The following TADA2A variants were observed in gnomAD, a reference collection of about 807,000 sequenced individuals.
TADA2A encodes transcriptional adapter 2-alpha.
In TADA2A, 38 loss-of-function variants were observed where a neutral mutation model predicts 67.4. That is an observed-to-expected ratio of 0.56 (90% CI 0.44 to 0.74). The LOEUF (loss-of-function observed/expected upper bound fraction) is 0.74, where lower values mean the gene tolerates loss of function less well. Among genes scored for constraint, TADA2A ranks in the 30% least tolerant of loss-of-function variants. The pLI is 0.00. For synonymous variants in TADA2A, 192 were observed against 181.6 expected, an observed-to-expected ratio of 1.06 and a Z score of -0.46; for missense variants, 454 against 547.0, an observed-to-expected ratio of 0.83 and a Z score of 1.70.
chr17:37,411,354 G>A lies in TADA2A; in HGVS notation c.-12G>A. ...GAGGAAGACCAAAGCAGCACTCGTT[G>A]CCAATTAGGGAATGGACCGTTTGGG... is the stretch of plus-strand genomic sequence containing the variant. On this transcript the variant is annotated 5_prime_UTR_variant, in exon 2 of 16. Transcript: ENST00000615182. 1 of 1,613,926 alleles carries A rather than the reference G, an allele frequency of 6.2e-7. No individual in the cohort carries two copies. The highest frequency in any genetic ancestry group is 2.2e-5 in the East Asian group (1 of 44,884).
At chr17:37,447,002 C>T (rs1447183506) in intron 8 of TADA2A, among the ~76,000 whole-genome samples, 1 of 152,162 alleles carries the variant, frequency 6.6e-6, no homozygotes, top group African/African-American at 2.4e-5. Context: ...TTTGTACTCT[C>T]CCTGAAGTTT....
chr17:37,478,623 T>C lies in TADA2A; in HGVS notation c.*1641T>C, dbSNP rs949398424. The C allele has an allele frequency of 1.3e-5, 2 of 152,188 alleles. No individual in the cohort carries two copies. Among genetic ancestry groups the C allele is most frequent in the Non-Finnish European group, 2.9e-5 (2 of 68,030 alleles). 9.4% of individuals were successfully genotyped at this position (152,188 alleles called of 1,614,324 possible). On this transcript the variant is annotated 3_prime_UTR_variant, in exon 16 of 16. Transcript: ENST00000615182. ...GTTTCTGCAGAATAAGAAGCCAAACTTATGGTTATCTTGTTTCTGTTAGAA... is the reference window on the plus strand; with the variant it reads ...GTTTCTGCAGAATAAGAAGCCAAACCTATGGTTATCTTGTTTCTGTTAGAA...
chr17:37,465,438 A>T lies in TADA2A; in HGVS notation c.720A>T (p.Glu240Asp). 2 of 1,612,516 alleles carry T rather than the reference A, an allele frequency of 1.2e-6. No homozygotes were observed. The highest frequency in any genetic ancestry group is 1.7e-6 in the Non-Finnish European group (2 of 1,178,892). Residue 240 changes from glutamate to aspartate, a missense_variant, in exon 11 of 16, where the codon GAA (glutamate) becomes GAT (aspartate). By Grantham distance (45) the Glu-to-Asp change is conservative. Transcript: ENST00000615182. ...LINLRKFQLM[E>D]RRYPKEVQDL... is the part of the protein sequence containing the mutation. ...GTTTTATTTTCTCTGTAGTAATGGAACGGCGGTATCCCAAGGAGGTCCAGG... is the reference window on the plus strand; with the variant it reads ...GTTTTATTTTCTCTGTAGTAATGGATCGGCGGTATCCCAAGGAGGTCCAGG...
At chr17:37,465,695 T>A in intron 11 of TADA2A, 154 bp downstream of exon 11, 1 of 1,399,886 alleles carries the variant, frequency 7.1e-7, no homozygotes, top group Non-Finnish European at 9.6e-7. Context: ...TTTGGGACTA[T>A]GGGGGTGGCA....
intron 8 of TADA2A, among the ~76,000 whole-genome samples, chr17:37,447,892 A>G (rs1482257141): frequency 2.0e-5 from 3 of 152,168 alleles, no homozygotes; most frequent in African/African-American, 7.2e-5. Context: ...TTTTGTAGAA[A>G]TCAGGACACT....
chr17:37,436,880 TTATCTC>T (rs1369502742), intron 4 of TADA2A, among the ~76,000 whole-genome samples: 1 of 151,710 alleles, frequency 6.6e-6, no homozygotes, highest in Admixed American at 6.6e-5. Flanking sequence ...ACTGAAATAT[TTATCTC>T]TACCTCTGTG....
chr17:37,413,340 A>T (rs910382483), intron 2 of TADA2A, among the ~76,000 whole-genome samples: 1 of 152,144 alleles, frequency 6.6e-6, no homozygotes, highest in Non-Finnish European at 1.5e-5. Context: ...TTCATTTTAC[A>T]TGTAGAGAAA....
intron 4 of TADA2A, among the ~76,000 whole-genome samples, chr17:37,433,920 C>T (rs2052646653): frequency 6.6e-6 from 1 of 151,632 alleles, no homozygotes. Context: ...TGCCACTGCA[C>T]TCCAGCCTGG....
At chr17:37,445,543 G>A (rs988711408) in intron 8 of TADA2A, among the ~76,000 whole-genome samples, 1 of 152,194 alleles carries the variant, frequency 6.6e-6, no homozygotes, top group East Asian at 1.9e-4. Context: ...TGGGATTACA[G>A]GCGTGAACCA....
chr17:37,437,895 G>C (rs547840752), intron 5 of TADA2A, 66 bp downstream of exon 5: 2 of 1,451,950 alleles, frequency 1.4e-6, no homozygotes, highest in African/African-American at 1.4e-5. Flanking sequence ...TTGTTGAAGA[G>C]TAAAGGAAGG....
chr17:37,453,822 G>A (rs1406952934), intron 8 of TADA2A, among the ~76,000 whole-genome samples: 2 of 140,448 alleles, frequency 1.4e-5, no homozygotes, highest in Non-Finnish European at 3.0e-5. Flanking sequence ...CCAGGCTGGA[G>A]TGCAGTGGTG....
At chr17:37,442,762 C>T in intron 7 of TADA2A, 110 bp downstream of exon 7, 3 of 1,029,990 alleles carry the variant, frequency 2.9e-6, no homozygotes, top group Non-Finnish European at 4.2e-6. Flanking sequence ...TTTTTCAAGG[C>T]ACTATAATTT....
At chr17:37,425,488 T>TA (rs1271535198) in intron 3 of TADA2A, among the ~76,000 whole-genome samples, 1 of 152,206 alleles carries the variant, frequency 6.6e-6, no homozygotes, top group African/African-American at 2.4e-5. Flanking sequence ...TAAGAGAGGT[T>TA]AAGTAACTTG....
intron 2 of TADA2A, among the ~76,000 whole-genome samples, chr17:37,416,276 G>A (rs536026154): frequency 6.6e-6 from 1 of 151,810 alleles, no homozygotes; most frequent in East Asian, 2.0e-4. Context: ...ATGCTGCCAT[G>A]CCCAGCTAAT....
At chr17:37,414,477 A>C (rs1475714665) in intron 2 of TADA2A, among the ~76,000 whole-genome samples, 1 of 152,094 alleles carries the variant, frequency 6.6e-6, no homozygotes, top group Non-Finnish European at 1.5e-5. Flanking sequence ...TACTTTTACA[A>C]GGGAGTCATA....
chr17:37,452,252 A>C (rs1295242444), intron 8 of TADA2A, among the ~76,000 whole-genome samples: 1 of 151,640 alleles, frequency 6.6e-6, no homozygotes, highest in Non-Finnish European at 1.5e-5. Context: ...AAAATACAAA[A>C]ATTAGCTGGG....
At chr17:37,472,357 C>T (rs1376891140) in intron 14 of TADA2A, among the ~76,000 whole-genome samples, 1 of 151,658 alleles carries the variant, frequency 6.6e-6, no homozygotes, top group African/African-American at 2.4e-5. Flanking sequence ...TGAGCCACTG[C>T]GCCTGGTCAC....
At chr17:37,445,269 T>C (rs1053061536) in intron 8 of TADA2A, among the ~76,000 whole-genome samples, 3 of 152,198 alleles carry the variant, frequency 2.0e-5, no homozygotes, top group Non-Finnish European at 2.9e-5. Flanking sequence ...TGGATTCTTT[T>C]TTATGTTTGT....
chr17:37,476,546 C>G (rs115185941), intron 15 of TADA2A, among the ~76,000 whole-genome samples: 4 of 152,112 alleles, frequency 2.6e-5, no homozygotes, highest in Non-Finnish European at 4.4e-5. Flanking sequence ...AAACCCAGGC[C>G]CCTGAGCCAG....
Sources: gnomAD v4.1 joint callset for allele counts (sites outside exome capture counted in the v4.1 genomes callset) on GRCh38, gnomAD v4.1.1 for gene constraint, MANE v1.5 for transcripts, NCBI Gene and HGNC (gene_info 2026-07-23, HGNC 2026-07-21) for gene names.